The following DENND2D variants were observed in gnomAD, a reference collection of about 807,000 sequenced individuals.
The protein encoded by DENND2D is DENN domain containing 2D.
Under a neutral mutation model 59.8 loss-of-function variants are expected in DENND2D, and 37 were observed. That is an observed-to-expected ratio of 0.62 (90% CI 0.48 to 0.81). The LOEUF is 0.81. DENND2D is among the 40% of genes least tolerant of loss of function. The probability of loss-of-function intolerance (pLI) is 0.00; values close to 1 mark genes in which losing one functional copy is unlikely to be tolerated. For synonymous variants in DENND2D, 219 were observed against 211.3 expected (o/e 1.04, Z -0.31); for missense variants, 525 against 579.7 (o/e 0.91, Z 0.97).
chr1:111,189,869 A>G (rs1300919214), intron 8 of DENND2D, among the ~76,000 whole-genome samples: 2 of 152,112 alleles, frequency 1.3e-5, no homozygotes, highest in African/African-American at 4.8e-5. Flanking sequence ...ACAATTTTCT[A>G]TTAGAAAAAC....
chr1:111,199,756 T>G lies in DENND2D; in HGVS notation c.110A>C (p.Glu37Ala), dbSNP rs1658615168. Residue 37 changes from glutamate (E) to alanine (A), a missense_variant, in exon 2 of 12, where the codon GAA becomes GCA. Around this residue, in one of 3 missense-constraint regions of DENND2D, gnomAD observed 253 missense variants for 246.4 expected, o/e 1.03. Transcript: ENST00000357640. ...GGGCAAAGAGTGCTCCTGGGCCCTT[T>G]CTGGTTCCTTTAAAGCTTCCCCTGA... ...DNSGEALKEPERAQEHSLPNF... is the reference protein window; with the variant it reads ...DNSGEALKEPARAQEHSLPNF... The G allele has an allele frequency of 6.2e-7, 1 of 1,614,126 alleles. No homozygotes were observed. The highest frequency in any genetic ancestry group is 1.3e-5 in the African/African-American group (1 of 75,040).
intron 8 of DENND2D, among the ~76,000 whole-genome samples, chr1:111,191,413 T>C (rs1657759012): frequency 6.6e-6 from 1 of 152,240 alleles, no homozygotes; most frequent in African/African-American, 2.4e-5. Flanking sequence ...GTCCCTCTTC[T>C]GGCTTGAGAT....
At chr1:111,188,536 A>G (rs2297703) in intron 10 of DENND2D, among the ~76,000 whole-genome samples, 166 bp from the exon 11 acceptor site, 42,412 of 151,932 alleles carry the variant, frequency 0.28, 5,971 homozygotes, top group East Asian at 0.37. Flanking sequence ...GTTCTCTGCC[A>G]TTGCTTAGGA....
At position 111,199,761 on chromosome 1, in the gene DENND2D, T is replaced by C; in HGVS notation, c.105A>G (p.Glu35=). The C allele has an allele frequency of 6.2e-7, 1 of 1,613,936 alleles. No individual in the cohort carries two copies. Among genetic ancestry groups the C allele is most frequent in the South Asian group, 1.1e-5 (1 of 91,074 alleles). ...PQDNSGEALK[E]PERAQEHSLP... ...AAGAGTGCTCCTGGGCCCTTTCTGG[T>C]TCCTTTAAAGCTTCCCCTGAATTGT... The change falls in exon 2 of 12, where the codon GAA becomes GAG. Residue 35 remains glutamate (E), a synonymous_variant. Transcript: ENST00000357640.
chr1:111,200,653 A>C (rs1571203275), upstream of DENND2D: 1 of 1,369,290 alleles, frequency 7.3e-7, no homozygotes, highest in East Asian at 3.1e-5. Context: ...ATGTGACGGG[A>C]CCCAGGAAGG....
chr1:111,187,891 C>T (rs1409367022), intron 11 of DENND2D, among the ~76,000 whole-genome samples: 2 of 152,188 alleles, frequency 1.3e-5, no homozygotes, highest in African/African-American at 2.4e-5. Context: ...GGAATTAGCT[C>T]TAGACTAAAA....
chr1:111,200,422 A>T lies in DENND2D; in HGVS notation c.38T>A (p.Phe13Tyr), dbSNP rs1327313660. 1 of 1,612,480 alleles carries T rather than the reference A, an allele frequency of 6.2e-7. No homozygotes were observed. Among genetic ancestry groups the T allele is most frequent in the Admixed American group, 1.7e-5 (1 of 59,926 alleles). ...GQVVGRVFRL[F>Y]QRRLLQLRAG... is the part of the protein sequence containing the mutation. ...TCGGAGTTGAAGCAGTCGGCGTTGG[A>T]AGAGCCTGAACACCCGGCCTACCAC... The change falls in exon 1 of 12, where the codon TTC (phenylalanine) becomes TAC (tyrosine). Residue 13 changes from phenylalanine (F) to tyrosine (Y), a missense_variant. Physicochemically the swap from Phe to Tyr is conservative, Grantham distance 22. Transcript: ENST00000357640.
intron 8 of DENND2D, chr1:111,189,475 G>T: frequency 1.7e-6 from 1 of 572,732 alleles, no homozygotes; most frequent in Admixed American, 3.2e-5. Context: ...TTTGTAGGAA[G>T]GGAGTAGGAG....
intron 2 of DENND2D, 138 bp downstream of exon 2, chr1:111,199,485 G>A (rs1029046960): frequency 7.7e-5 from 71 of 925,024 alleles, no homozygotes; most frequent in Admixed American, 1.9e-4. Context: ...AGGAAATGGA[G>A]AGCAGTGAGC....
At position 111,186,994 on chromosome 1, in the gene DENND2D, AC is replaced by A. The variant is rs1657287730; in HGVS notation, c.*610del. 6.6e-6 allele frequency among the ~76,000 whole-genome samples: 1 copy of A among 152,080 alleles called. No individual in the cohort carries two copies. Among genetic ancestry groups the A allele is most frequent in the South Asian group, 2.1e-4 (1 of 4,826 alleles). ...TGTGTCCAGTGCTGCTGCTGCTTTT[AC>A]CAGTATCTCTTACCCTTCCGGTTAG... On this transcript the variant is annotated 3_prime_UTR_variant, in exon 12 of 12. Transcript: ENST00000357640.
Position 111,188,701 on chromosome 1 carries a change from C to T in DENND2D, c.1099+1G>A, listed in dbSNP as rs146280067. 1.2e-6 allele frequency: 2 copies of T among 1,612,896 alleles called. No individual in the cohort carries two copies. The highest frequency in any genetic ancestry group is 1.3e-5 in the African/African-American group (1 of 74,878). On this transcript the variant is annotated splice_donor_variant, in intron 10 of 11. Coordinates refer to ENST00000357640, the MANE Select transcript of DENND2D (RefSeq NM_024901.5). LOFTEE classifies it high-confidence loss of function. Reference sequence around the variant, plus strand: ...GACCCAAAATAAGAGTAAGGACTTACTCTTTAACTCATTGATCCCCTGACC... The same window carrying T: ...GACCCAAAATAAGAGTAAGGACTTATTCTTTAACTCATTGATCCCCTGACC...
At chr1:111,198,094 A>C in intron 3 of DENND2D, 105 bp from the exon 4 acceptor site, 1 of 1,095,222 alleles carries the variant, frequency 9.1e-7, no homozygotes, top group Non-Finnish European at 1.4e-6. Context: ...GGAGTTGCTG[A>C]TTAATCACAG....
At chr1:111,198,605 C>A (rs1658480754) in intron 3 of DENND2D, 25 bp downstream of exon 3, 2 of 1,608,626 alleles carry the variant, frequency 1.2e-6, no homozygotes, top group Non-Finnish European at 1.7e-6. Context: ...AAATCCAATA[C>A]CCTTGCCCAG....
At position 111,200,383 on chromosome 1, in the gene DENND2D, C is replaced by T. The variant is rs2101508109; in HGVS notation, c.67+10G>A. On this transcript the variant is annotated intron_variant, in intron 1 of 11. Transcript: ENST00000357640. ...CCTAAAAACAAGGAAGTAGGCAGTC[C>T]AGTCCTGACCTGCTCGGAGTTGAAG... 4 of 1,610,452 alleles carry T rather than the reference C, an allele frequency of 2.5e-6. No individual in the cohort carries two copies. The highest frequency in any genetic ancestry group is 3.4e-6 in the Non-Finnish European group (4 of 1,178,168).
chr1:111,195,804 T>G (rs1424189675), intron 6 of DENND2D, 112 bp downstream of exon 6: 29 of 1,486,910 alleles, frequency 2.0e-5, no homozygotes, highest in Non-Finnish European at 2.7e-5. Flanking sequence ...AGTCCCCATC[T>G]GGCTCAGTTT....
chr1:111,201,904 C>A (rs1187320342), upstream of DENND2D, among the ~76,000 whole-genome samples: 2 of 152,210 alleles, frequency 1.3e-5, no homozygotes, highest in Non-Finnish European at 2.9e-5. Context: ...TTGGAGCTGG[C>A]ACCACACCTT....
chr1:111,198,073 G>A (rs41313999), intron 3 of DENND2D, 84 bp from the exon 4 acceptor site: 53,363 of 1,359,820 alleles, frequency 0.039, 1,231 homozygotes, highest in Non-Finnish European at 0.045. Flanking sequence ...GGGTGGAGAG[G>A]AGGGCAAAGG....
rs191423323 is a variant in DENND2D at position 111,191,844 on chromosome 1, C to T, written c.972+296G>A. On this transcript the variant is annotated intron_variant, in intron 8 of 11. Transcript: ENST00000357640. ...CAGCTGGCACAGAACAGTCTGCTCA[C>T]CCCTGAATAAGCTATCCACTGCCCC... 3.9e-3 allele frequency among the ~76,000 whole-genome samples: 595 copies of T among 152,310 alleles called. 2 individuals carry two copies. The highest frequency in any genetic ancestry group is 6.2e-3 in the Admixed American group (95 of 15,304).
intron 10 of DENND2D, 149 bp from the exon 11 acceptor site, chr1:111,188,519 G>T: frequency 7.6e-7 from 1 of 1,311,062 alleles, no homozygotes; most frequent in Non-Finnish European, 1.1e-6. Flanking sequence ...TGGGAATCTG[G>T]GTATGAGTTC....
Sources: allele counts gnomAD v4.1 joint callset (sites outside exome capture counted in the v4.1 genomes callset), GRCh38; gene constraint gnomAD v4.1.1; regional missense constraint gnomAD v4.1.1; transcripts MANE v1.5; gene names NCBI Gene and HGNC (gene_info 2026-07-23, HGNC 2026-07-21).